ZNF638: variants seen among roughly 807,000 people sequenced by gnomAD.
The protein encoded by ZNF638 is zinc finger protein 638.
A neutral mutation model predicts 195.6 loss-of-function variants in ZNF638; 46 were observed. The ratio of observed to expected loss-of-function variants is 0.24; its 90% CI spans 0.19 to 0.30. The LOEUF (loss-of-function observed/expected upper bound fraction) is 0.30. Among genes scored for constraint, ZNF638 ranks in the 10% least tolerant of loss-of-function variants. The pLI, the probability that ZNF638 is intolerant of heterozygous loss-of-function variation, is 1.00. For synonymous variants in ZNF638, 845 were observed against 772.0 expected, an observed-to-expected ratio of 1.09 and a Z score of -1.57; for missense variants, 2,440 against 2,325.3, an observed-to-expected ratio of 1.05 and a Z score of -1.01.
intron 3 of ZNF638, among the ~76,000 whole-genome samples, chr2:71,361,067 TC>T (rs2079100991): frequency 6.6e-6 from 1 of 152,160 alleles, no homozygotes; most frequent in Non-Finnish European, 1.5e-5. Context: ...GTTCAAGTGA[TC>T]CTCCCACCTC....
chr2:71,433,086 CAAAT>C (rs1573184709), intron 26 of ZNF638, 75 bp from the exon 27 acceptor site: 9 of 1,179,532 alleles, frequency 7.6e-6, no homozygotes, highest in Admixed American at 7.1e-5. Context: ...GACTCCGTCT[CAAAT>C]AAATGAATAA....
intron 8 of ZNF638, among the ~76,000 whole-genome samples, chr2:71,378,860 G>A (rs1448929298): frequency 2.0e-5 from 3 of 152,200 alleles, no homozygotes; most frequent in Non-Finnish European, 2.9e-5. Context: ...TACCTTTGTA[G>A]CATCTTAGAG....
At chr2:71,347,871 C>T (rs2078877400) in intron 1 of ZNF638, among the ~76,000 whole-genome samples, 1 of 152,200 alleles carries the variant, frequency 6.6e-6, no homozygotes. Flanking sequence ...GAATACAAAT[C>T]TCAGCACAGT....
At chr2:71,393,974 C>T (rs2079841713) in intron 10 of ZNF638, among the ~76,000 whole-genome samples, 1 of 152,192 alleles carries the variant, frequency 6.6e-6, no homozygotes, top group African/African-American at 2.4e-5. Context: ...ATTGCCTTAA[C>T]ATTCTTGTGC....
At chr2:71,370,132 A>C in intron 8 of ZNF638, 127 bp downstream of exon 8, 5 of 1,028,974 alleles carry the variant, frequency 4.9e-6, no homozygotes, top group Non-Finnish European at 5.7e-6. Context: ...TTATATGTGC[A>C]TTAATTCAAG....
chr2:71,340,291 C>T (rs1346593342), intron 1 of ZNF638, among the ~76,000 whole-genome samples: 3 of 152,194 alleles, frequency 2.0e-5, no homozygotes, highest in Non-Finnish European at 4.4e-5. Context: ...TACTCTCTGT[C>T]AACACTTGTG....
At chr2:71,356,062 T>C (rs2079017786) in intron 3 of ZNF638, among the ~76,000 whole-genome samples, 1 of 152,246 alleles carries the variant, frequency 6.6e-6, no homozygotes, top group Non-Finnish European at 1.5e-5. Flanking sequence ...GGATCTTTTA[T>C]CTATATCAGA....
intron 16 of ZNF638, among the ~76,000 whole-genome samples, chr2:71,402,578 T>G (rs2080028859): frequency 6.6e-6 from 1 of 152,110 alleles, no homozygotes; most frequent in Non-Finnish European, 1.5e-5. Flanking sequence ...TCAGTGATAC[T>G]CAAATGGGAA....
Position 71,431,365 on chromosome 2 carries a change from C to T in ZNF638, c.5689C>T (p.Arg1897Ter). The T allele has an allele frequency of 6.2e-7, 1 of 1,613,898 alleles. No homozygotes were observed. The highest frequency in any genetic ancestry group is 8.5e-7 in the Non-Finnish European group (1 of 1,179,854). ...ESGLKDSEPE[R>*]KRKKTEDSSS... ...TGGATTAAAGGATTCAGAACCAGAG[C>T]GAAAACGCAAGAAGACTGAAGACTC... The change falls in exon 26 of 28, where the codon CGA (arginine) becomes TGA (stop). Residue 1897 changes from arginine (R) to a stop codon, truncating the protein, a stop_gained. Coordinates refer to ENST00000264447, the MANE Select transcript of ZNF638 (RefSeq NM_014497.5). LOFTEE classifies it high-confidence loss of function.
At chr2:71,397,021 CATT>C (rs2079907259) in intron 11 of ZNF638, among the ~76,000 whole-genome samples, 2 of 152,080 alleles carry the variant, frequency 1.3e-5, no homozygotes, top group South Asian at 4.1e-4. Context: ...TGGCAAAAAT[CATT>C]ATTAGTGGCA....
intron 1 of ZNF638, among the ~76,000 whole-genome samples, chr2:71,340,706 A>G (rs1415627530): frequency 6.6e-6 from 1 of 152,088 alleles, no homozygotes; most frequent in African/African-American, 2.4e-5. Flanking sequence ...GGATTTTGAA[A>G]CTGTATTGCT....
At chr2:71,341,434 T>C (rs2078759684) in intron 1 of ZNF638, among the ~76,000 whole-genome samples, 1 of 152,128 alleles carries the variant, frequency 6.6e-6, no homozygotes, top group Admixed American at 6.5e-5. Flanking sequence ...ATACTTCTAA[T>C]TTTGTACAGT....
At chr2:71,364,353 T>C in intron 5 of ZNF638, 101 bp downstream of exon 5, 1 of 1,274,922 alleles carries the variant, frequency 7.8e-7, no homozygotes, top group Non-Finnish European at 1.1e-6. Context: ...TATTAAATTT[T>C]AGAGTTGATA....
At chr2:71,407,821 G>GA (rs2080135683) in intron 19 of ZNF638, 1 of 211,100 alleles carries the variant, frequency 4.7e-6, no homozygotes, top group Non-Finnish European at 9.4e-6. Flanking sequence ...ATGTCTCTAA[G>GA]GTTCATCCAT....
intron 22 of ZNF638, 103 bp downstream of exon 22, chr2:71,424,141 CCTCA>C: frequency 2.1e-6 from 3 of 1,426,270 alleles, no homozygotes; most frequent in Non-Finnish European, 2.8e-6. Context: ...ACTTTCATCT[CCTCA>C]CTCTACCCCG....
intron 20 of ZNF638, among the ~76,000 whole-genome samples, chr2:71,412,046 A>G (rs34587143): frequency 2.4e-4 from 26 of 108,122 alleles, no homozygotes; most frequent in Admixed American, 4.8e-4. Flanking sequence ...CTGAGGAATC[A>G]CCACACTGAC....
intron 25 of ZNF638, among the ~76,000 whole-genome samples, chr2:71,429,579 T>C (rs1320556641): frequency 2.0e-5 from 3 of 152,210 alleles, no homozygotes; most frequent in Non-Finnish European, 4.4e-5. Flanking sequence ...GAAATATCCC[T>C]TTGACCTTGA....
At position 71,433,150 on chromosome 2, in the gene ZNF638, C is replaced by T. The variant is rs1170530035; in HGVS notation, c.5753-15C>T. ...ATTATTGTTAATTTTCTTCTTGTCT[C>T]TTCTTATCCTCTAGAATTAGACTTT... On this transcript the variant is annotated splice_polypyrimidine_tract_variant and intron_variant, in intron 26 of 27. Transcript: ENST00000264447. The T allele has an allele frequency of 6.6e-7, 1 of 1,514,590 alleles. No homozygotes were observed. 93.8% of individuals were successfully genotyped at this position (1,514,590 alleles called of 1,614,324 possible).
rs2079139053 is a variant in ZNF638 at position 71,363,277 on chromosome 2, T to G, written c.1418+86T>G. On this transcript the variant is annotated intron_variant, in intron 4 of 27. Transcript: ENST00000264447. Reference sequence around the variant, plus strand: ...ATTTTAAGAAAGTGATTCTTTTGAGTTCTACTTCTGCCATTTAAACAACAG... The same window carrying G: ...ATTTTAAGAAAGTGATTCTTTTGAGGTCTACTTCTGCCATTTAAACAACAG... 3.9e-6 allele frequency: 4 copies of G among 1,032,578 alleles called. No homozygotes were observed. The South Asian group carries it at 4.6e-5, about 12-fold the overall frequency. 64.0% of individuals were successfully genotyped at this position (1,032,578 alleles called of 1,614,324 possible). A position where few individuals can be genotyped will look rare whatever the true frequency, so the allele number is the denominator to read the frequency against.
Sources: allele counts gnomAD v4.1 joint callset (sites outside exome capture counted in the v4.1 genomes callset), GRCh38; gene constraint gnomAD v4.1.1; transcripts MANE v1.5; gene names NCBI Gene and HGNC (gene_info 2026-07-23, HGNC 2026-07-21).